The following COL5A2 variants were observed in gnomAD, a reference collection of about 807,000 sequenced individuals.
COL5A2 encodes collagen alpha-2(V) chain.
COL5A2 carries 23 observed loss-of-function variants against 208.2 expected under a neutral mutation model. The ratio of observed to expected loss-of-function variants is 0.11; its 90% CI spans 0.08 to 0.16. COL5A2 has a LOEUF of 0.16. COL5A2 is among the 10% of genes least tolerant of loss of function. The pLI, the probability that COL5A2 is intolerant of heterozygous loss-of-function variation, is 1.00. For missense variants in COL5A2, 1,590 were observed against 1,956.4 expected (o/e 0.81, Z 3.53); for synonymous variants, 625 against 628.5 (o/e 0.99, Z 0.08).
chr2:189,136,496 A>G (rs1321423710), intron 1 of COL5A2, among the ~76,000 whole-genome samples: 9 of 113,964 alleles, frequency 7.9e-5, no homozygotes, highest in Admixed American at 1.1e-4. Context: ...TGGCATCTGT[A>G]TATTTTTTCT....
At chr2:189,073,055 A>G (rs1686312454) in intron 17 of COL5A2, among the ~76,000 whole-genome samples, 1 of 152,172 alleles carries the variant, frequency 6.6e-6, no homozygotes, top group Non-Finnish European at 1.5e-5. Context: ...TATGAGAAAC[A>G]AGGGAGAAAA....
the COL5A2 span, among the ~76,000 whole-genome samples, chr2:189,303,180 C>T: frequency 1.3e-5 from 2 of 152,132 alleles, no homozygotes; most frequent in Non-Finnish European, 2.9e-5. Context: ...GGGTGGAAGA[C>T]ATAAACAGAA....
At chr2:189,420,210 G>T in the COL5A2 span, among the ~76,000 whole-genome samples, 12 of 152,150 alleles carry the variant, frequency 7.9e-5, no homozygotes, top group Non-Finnish European at 1.2e-4. Flanking sequence ...CATCCATTCT[G>T]CATGTTGAGT....
chr2:189,279,705 T>C, the COL5A2 span, among the ~76,000 whole-genome samples: 1 of 152,146 alleles, frequency 6.6e-6, no homozygotes, highest in African/African-American at 2.4e-5. Context: ...GAATTGAACT[T>C]TTGTCATTGC....
At chr2:189,236,794 G>C in the COL5A2 span, among the ~76,000 whole-genome samples, 4 of 151,742 alleles carry the variant, frequency 2.6e-5, 1 homozygote, top group Non-Finnish European at 5.9e-5. Context: ...ATTCATATGT[G>C]TGTCAAATAC....
chr2:189,440,118 T>G, the COL5A2 span, among the ~76,000 whole-genome samples: 3 of 152,210 alleles, frequency 2.0e-5, no homozygotes, highest in African/African-American at 7.2e-5. Context: ...TAATAAAGTT[T>G]TGAGCACTTT....
intron 1 of COL5A2, among the ~76,000 whole-genome samples, chr2:189,160,066 T>C (rs1368802242): frequency 6.6e-6 from 1 of 152,066 alleles, no homozygotes; most frequent in Non-Finnish European, 1.5e-5. Context: ...TGACTAAAAT[T>C]GCCATCCTCC....
the COL5A2 span, among the ~76,000 whole-genome samples, chr2:189,409,458 T>C: frequency 6.6e-6 from 1 of 152,088 alleles, no homozygotes; most frequent in East Asian, 1.9e-4. Context: ...TTTTCTATAG[T>C]ATTCTGTAAG....
the COL5A2 span, among the ~76,000 whole-genome samples, chr2:189,243,747 C>T: frequency 9.2e-5 from 14 of 152,222 alleles, no homozygotes; most frequent in East Asian, 5.8e-4. Context: ...AGTCCACAGT[C>T]GAAAGTCTTA....
At chr2:189,249,723 T>C in the COL5A2 span, among the ~76,000 whole-genome samples, 1 of 152,148 alleles carries the variant, frequency 6.6e-6, no homozygotes, top group Admixed American at 6.5e-5. Flanking sequence ...TGAGACGGAG[T>C]TTCACTCTTG....
At chr2:189,405,701 C>G in the COL5A2 span, among the ~76,000 whole-genome samples, 1 of 152,094 alleles carries the variant, frequency 6.6e-6, no homozygotes, top group Non-Finnish European at 1.5e-5. Context: ...TGTGCTAAAT[C>G]AAAAATACGA....
chr2:189,129,957 A>G (rs1687679708), intron 1 of COL5A2, among the ~76,000 whole-genome samples: 1 of 152,036 alleles, frequency 6.6e-6, no homozygotes, highest in Non-Finnish European at 1.5e-5. Context: ...ATAGTTAGCT[A>G]AAAATGTCTG....
chr2:189,184,398 C>A (rs921241242), upstream of COL5A2, among the ~76,000 whole-genome samples: 1 of 152,122 alleles, frequency 6.6e-6, no homozygotes, highest in Non-Finnish European at 1.5e-5. Flanking sequence ...CTGACTATGG[C>A]ATAAAACGCT....
the COL5A2 span, among the ~76,000 whole-genome samples, chr2:189,372,517 A>T: frequency 6.6e-6 from 1 of 152,312 alleles, no homozygotes; most frequent in Admixed American, 6.5e-5. Flanking sequence ...ATATACATAT[A>T]AAACATTAAA....
At chr2:189,259,711 GAGATATTTGGCTACGTTAACGGACCACGC>G in the COL5A2 span, among the ~76,000 whole-genome samples, 1 of 152,202 alleles carries the variant, frequency 6.6e-6, no homozygotes, top group African/African-American at 2.4e-5. Flanking sequence ...CAGATACTAG[GAGATATTTGGCTACGTTAACGGACCACGC>G]AGAGTTCAGA....
the COL5A2 span, among the ~76,000 whole-genome samples, chr2:189,375,862 G>T: frequency 2.0e-5 from 3 of 152,218 alleles, no homozygotes; most frequent in Non-Finnish European, 4.4e-5. Flanking sequence ...GATTAGCAGA[G>T]ATCAGAATAG....
Position 189,096,630 on chromosome 2 carries a change from A to AAAG in COL5A2, c.456+646_456+647insCTT, listed in dbSNP as rs1462543589. ...GAGCGAGACTCCGTCTCAAAAAAAA[A>AAAG]AAAAAAAAGAAAAAAAAAGTTGTAA... On this transcript the variant is annotated intron_variant, in intron 6 of 53. Transcript: ENST00000374866. 6.6e-5 allele frequency among the ~76,000 whole-genome samples: 10 copies of AAAG among 151,596 alleles called. No individual in the cohort carries two copies. The East Asian group carries it at 1.9e-3, about 29-fold the overall frequency.
the COL5A2 span, among the ~76,000 whole-genome samples, chr2:189,405,233 T>C: frequency 3.0e-5 from 1 of 33,498 alleles, no homozygotes; most frequent in African/African-American, 5.1e-5. Flanking sequence ...TTAAATGCCT[T>C]TTTTTTCTTT....
At chr2:189,152,866 T>C (rs886990489) in intron 1 of COL5A2, among the ~76,000 whole-genome samples, 2 of 152,164 alleles carry the variant, frequency 1.3e-5, no homozygotes, top group Admixed American at 6.6e-5. Context: ...GGAATTTTAT[T>C]TATCTTGAAC....
Sources: gnomAD v4.1 joint callset for allele counts (sites outside exome capture counted in the v4.1 genomes callset) on GRCh38, gnomAD v4.1.1 for gene constraint, MANE v1.5 for transcripts, NCBI Gene and HGNC (gene_info 2026-07-23, HGNC 2026-07-21) for gene names.